Variants in KCNK10 observed in about 807,000 individuals in gnomAD.
KCNK10 encodes the protein potassium two pore domain channel subfamily K member 10.
Under a neutral mutation model 47.7 loss-of-function variants are expected in KCNK10, and 25 were observed. The ratio of observed to expected loss-of-function variants is 0.52; its 90% confidence interval spans 0.38 to 0.73. The LOEUF (loss-of-function observed/expected upper bound fraction) is 0.73, where lower values mean the gene tolerates loss of function less well. KCNK10 is among the 30% of genes least tolerant of loss of function. KCNK10 has a pLI of 0.00. For missense variants in KCNK10, 563 were observed against 714.5 expected (o/e 0.79, Z 2.42); for synonymous variants, 303 against 285.6 (o/e 1.06, Z -0.61).
intron 4 of KCNK10, among the ~76,000 whole-genome samples, chr14:88,213,226 A>T (rs1885516781): frequency 6.6e-6 from 1 of 152,172 alleles, no homozygotes; most frequent in Non-Finnish European, 1.5e-5. Flanking sequence ...GTTAGAAGCT[A>T]CACCAAAGTA....
chr14:88,276,275 T>A (rs1171683883), intron 1 of KCNK10, among the ~76,000 whole-genome samples: 1 of 151,238 alleles, frequency 6.6e-6, no homozygotes, highest in Non-Finnish European at 1.5e-5. Context: ...CCCAGAGAGA[T>A]CTCTTGGTCC....
At chr14:88,265,287 T>C (rs1887222268) in intron 1 of KCNK10, among the ~76,000 whole-genome samples, 1 of 152,020 alleles carries the variant, frequency 6.6e-6, no homozygotes, top group African/African-American at 2.4e-5. Flanking sequence ...TCTTGGATTA[T>C]ATGGTTGGGC....
rs1277848946 is a variant in KCNK10 at position 88,181,719 on chromosome 14, A to G, written c.*3816T>C. The G allele has an allele frequency of 6.6e-6, 1 of 152,294 alleles. No homozygotes were observed. The highest frequency in any genetic ancestry group is 1.5e-5 in the Non-Finnish European group (1 of 68,034). The allele number at this position is 152,294 out of a possible 1,614,324, so 9.4% of individuals were successfully genotyped here. ...CCCAAAAGACAAATCCCAAAGGGCA[A>G]GAGACTAAGCTCTCACCTTAACCTA... is the stretch of plus-strand genomic sequence containing the variant. On this transcript the variant is annotated 3_prime_UTR_variant, in exon 7 of 7. Coordinates refer to ENST00000319231, the MANE Select transcript of KCNK10 (RefSeq NM_138317.3).
chr14:88,189,454 T>G (rs530091103), intron 5 of KCNK10, among the ~76,000 whole-genome samples: 1 of 152,312 alleles, frequency 6.6e-6, no homozygotes, highest in South Asian at 2.1e-4. Flanking sequence ...AATCTGTAGC[T>G]TTCTCCTGTG....
In KCNK10 at chr14:88,185,883, C is replaced by T. The variant is rs1365122629; in HGVS notation, c.1284G>A (p.Leu428=). The T allele has an allele frequency of 5.6e-6, 9 of 1,613,974 alleles. No individual in the cohort carries two copies. In the African/African-American group the frequency reaches 8.0e-5, roughly 14 times the overall value. Residue 428 remains leucine, a synonymous_variant, in exon 7 of 7, where the codon CTG becomes CTA. Transcript: ENST00000319231. The surrounding 1 kb of genome is among the most constrained non-coding windows in gnomAD (Gnocchi z 4.3). Reference sequence around the variant, plus strand: ...TCAGCTGCTCCGGCCCCTTCAGGCGCAGGTTGTTGGGCCGGTTGTTGATGC... The same window carrying T: ...TCAGCTGCTCCGGCCCCTTCAGGCGTAGGTTGTTGGGCCGGTTGTTGATGC... ...QESINNRPNN[L]RLKGPEQLNK...
rs911469002 is a variant in KCNK10, at chr14:88,181,855, A to G, written c.*3680T>C. 1 of 152,282 alleles carries G rather than the reference A, an allele frequency of 6.6e-6. No homozygotes were observed. The allele number at this position is 152,282 out of a possible 1,614,324, so 9.4% of individuals were successfully genotyped here. ...GGAGTGTTTCATTAGAGAACTGCAC[A>G]ACTACAATGGCCCTTGACAAGTATC... On this transcript the variant is annotated 3_prime_UTR_variant, in exon 7 of 7. Coordinates refer to ENST00000319231, the MANE Select transcript of KCNK10 (RefSeq NM_138317.3).
At chr14:88,321,744 G>C (rs959378895) in intron 1 of KCNK10, among the ~76,000 whole-genome samples, 2 of 152,166 alleles carry the variant, frequency 1.3e-5, no homozygotes, top group Non-Finnish European at 2.9e-5. Context: ...TGGAGAAAAA[G>C]AAGAAATGCG....
chr14:88,268,338 G>A (rs1887324150), intron 1 of KCNK10, among the ~76,000 whole-genome samples: 1 of 152,224 alleles, frequency 6.6e-6, no homozygotes. Context: ...GGAGATCAGG[G>A]CAGCAGCCAG....
intron 4 of KCNK10, among the ~76,000 whole-genome samples, chr14:88,208,851 A>G (rs879910117): frequency 6.6e-5 from 10 of 152,110 alleles, no homozygotes; most frequent in African/African-American, 9.7e-5. Context: ...TGCCCGATAC[A>G]CCCATTTGTG....
chr14:88,215,568 G>A (rs73326126), intron 4 of KCNK10, among the ~76,000 whole-genome samples: 7,790 of 152,184 alleles, frequency 0.051, 681 homozygotes, highest in African/African-American at 0.18. Flanking sequence ...CTAGGCTTTG[G>A]TATCACAGTG....
chr14:88,273,549 T>C (rs1436308988), intron 1 of KCNK10, among the ~76,000 whole-genome samples: 1 of 152,194 alleles, frequency 6.6e-6, no homozygotes, highest in Non-Finnish European at 1.5e-5. Flanking sequence ...AGGGCACAAA[T>C]TGCCCAGGAC....
At chr14:88,207,740 GT>G (rs1333114549) in intron 4 of KCNK10, among the ~76,000 whole-genome samples, 1 of 152,216 alleles carries the variant, frequency 6.6e-6, no homozygotes, top group South Asian at 2.1e-4. Context: ...TGAAGATGCA[GT>G]GGTGAACAGG....
chr14:88,222,361 T>G (rs1247497262), intron 4 of KCNK10, among the ~76,000 whole-genome samples: 1 of 152,032 alleles, frequency 6.6e-6, no homozygotes, highest in Non-Finnish European at 1.5e-5. Context: ...ACAAAACTAA[T>G]AAAAACATGA....
At chr14:88,229,381 C>T (rs1886088686) in intron 3 of KCNK10, among the ~76,000 whole-genome samples, 1 of 152,052 alleles carries the variant, frequency 6.6e-6, no homozygotes, top group South Asian at 2.1e-4. Flanking sequence ...TCCTTAGACC[C>T]ACTTAACATC....
At chr14:88,203,935 G>A (rs1457979416) in intron 4 of KCNK10, among the ~76,000 whole-genome samples, 1 of 152,190 alleles carries the variant, frequency 6.6e-6, no homozygotes, top group African/African-American at 2.4e-5. Context: ...GGGGTACTGT[G>A]GGGCCAGTGG....
intron 4 of KCNK10, among the ~76,000 whole-genome samples, chr14:88,217,410 G>GATGTGC (rs1414234400): frequency 1.3e-5 from 2 of 152,280 alleles, no homozygotes; most frequent in African/African-American, 2.4e-5. Context: ...GTGCAATGCT[G>GATGTGC]ATGTGCACAG....
At chr14:88,270,291 C>G (rs1426570303) in intron 1 of KCNK10, among the ~76,000 whole-genome samples, 2 of 152,176 alleles carry the variant, frequency 1.3e-5, no homozygotes, top group African/African-American at 4.8e-5. Context: ...GATTCCACCT[C>G]GGGTGCTCCA....
chr14:88,290,275 A>G (rs1393905218), intron 1 of KCNK10, among the ~76,000 whole-genome samples: 1 of 152,164 alleles, frequency 6.6e-6, no homozygotes, highest in African/African-American at 2.4e-5. Context: ...GCCAAGAAAC[A>G]TGAGCAGCCT....
Position 88,185,852 on chromosome 14 carries a change from G to A in KCNK10, c.1315C>T (p.His439Tyr), listed in dbSNP as rs775480285. 4 of 1,614,048 alleles carry A rather than the reference G, an allele frequency of 2.5e-6. No homozygotes were observed. The highest frequency in any genetic ancestry group is 1.7e-5 in the Admixed American group (1 of 60,008). ...TTGTCCTCGGACGCACCCTGCCCAT[G>A]CTTGTTCAGCTGCTCCGGCCCCTTC... ...RLKGPEQLNK[H>Y]GQGASEDNII... Residue 439 changes from histidine (H) to tyrosine (Y), a missense_variant, in exon 7 of 7, where the codon CAT becomes TAT. Physicochemically the swap from His to Tyr is moderately conservative, Grantham distance 83 (BLOSUM62 2). Coordinates refer to ENST00000319231, the MANE Select transcript of KCNK10 (RefSeq NM_138317.3). The surrounding 1 kb of genome is among the most constrained non-coding windows in gnomAD (Gnocchi z 4.3).
Sources: allele counts gnomAD v4.1 joint callset (sites outside exome capture counted in the v4.1 genomes callset), GRCh38; gene constraint gnomAD v4.1.1; non-coding constraint Gnocchi (gnomAD v3.1); transcripts MANE v1.5; gene names NCBI Gene and HGNC (gene_info 2026-07-23, HGNC 2026-07-21).